DOCK11: variants seen among roughly 807,000 people sequenced by gnomAD.
DOCK11 encodes the protein dedicator of cytokinesis protein 11.
Under a neutral mutation model 169.1 loss-of-function variants are expected in DOCK11, and 70 were observed. That is an observed-to-expected ratio of 0.41 (90% CI 0.34 to 0.51). DOCK11 has a LOEUF of 0.51. Ranked by LOEUF, DOCK11 falls within the 20% of genes least tolerant of loss-of-function variation. DOCK11 has a pLI of 0.10. For missense variants in DOCK11, 1,166 were observed against 1,538.8 expected, an observed-to-expected ratio of 0.76 and a Z score of 4.05; for synonymous variants, 529 against 541.3, an observed-to-expected ratio of 0.98 and a Z score of 0.32.
chrX:118,654,557 C>T (rs764916688), intron 42 of DOCK11, 45 bp from the exon 43 acceptor site: 10 of 1,144,394 alleles, frequency 8.7e-6, no homozygotes, highest in Admixed American at 2.2e-5. Flanking sequence ...TAGAGCACAT[C>T]GATATTGTTG....
intron 1 of DOCK11, among the ~76,000 whole-genome samples, chrX:118,505,342 T>C (rs2057604452): frequency 8.9e-6 from 1 of 112,538 alleles, no homozygotes. Flanking sequence ...TGAGTTATTA[T>C]ATTCTTAATG....
intron 35 of DOCK11, among the ~76,000 whole-genome samples, chrX:118,635,932 G>A (rs1294838977): frequency 1.8e-5 from 2 of 111,679 alleles, no homozygotes. Flanking sequence ...AGCCCTCTGA[G>A]TAGCAGGCAA....
At chrX:118,533,470 A>C (rs1011242256) in intron 1 of DOCK11, among the ~76,000 whole-genome samples, 1 of 112,216 alleles carries the variant, frequency 8.9e-6, no homozygotes, top group African/African-American at 3.2e-5. Context: ...TTTTCAAACT[A>C]GAGTCTGTCA....
chrX:118,514,733 C>T (rs1192032311), intron 1 of DOCK11, among the ~76,000 whole-genome samples: 1 of 112,358 alleles, frequency 8.9e-6, no homozygotes, highest in Non-Finnish European at 1.9e-5. Context: ...GCTGACTCCT[C>T]ATCCGGGGAT....
At chrX:118,554,458 C>G (rs1234075186) in intron 6 of DOCK11, among the ~76,000 whole-genome samples, 2 of 110,857 alleles carry the variant, frequency 1.8e-5, no homozygotes, top group African/African-American at 3.3e-5. Flanking sequence ...GCTGAGGCAC[C>G]AGAATCTCTC....
chrX:118,582,369 A>G (rs746121406), intron 14 of DOCK11, among the ~76,000 whole-genome samples: 1 of 111,954 alleles, frequency 8.9e-6, no homozygotes, highest in Non-Finnish European at 1.9e-5. Flanking sequence ...CCACTGTGGC[A>G]TACGGTCCCT....
chrX:118,592,754 A>G lies in DOCK11; in HGVS notation c.2140-460A>G, dbSNP rs759324772. ...CTATAAACTATAATTTGTGGATACT[A>G]TAAGACCATCGTTACTTTTTGCATA... On this transcript the variant is annotated intron_variant, in intron 19 of 52. Transcript: ENST00000276202. 1.5e-3 allele frequency among the ~76,000 whole-genome samples: 164 copies of G among 112,561 alleles called. 1 individual carries two copies. The highest frequency in any genetic ancestry group is 5.0e-3 in the African/African-American group (155 of 31,056).
At chrX:118,643,816 C>G (rs2015591083) in intron 40 of DOCK11, among the ~76,000 whole-genome samples, 1 of 111,968 alleles carries the variant, frequency 8.9e-6, no homozygotes, top group Admixed American at 9.5e-5. Flanking sequence ...ATCATACCTT[C>G]CCTTTTCCAT....
At chrX:118,679,908 G>C (rs2016698532) in intron 48 of DOCK11, among the ~76,000 whole-genome samples, 1 of 102,732 alleles carries the variant, frequency 9.7e-6, no homozygotes, top group Non-Finnish European at 2.0e-5. Context: ...TGGGTAGTAG[G>C]ATTACAGTAA....
Position 118,608,214 on chromosome X carries a change from T to G in DOCK11, c.2752-17T>G, listed in dbSNP as rs2147458509. ...TTTTGTCTTACAGTTCATTTTTTTT[T>G]GTTTGTTTATTTGTAGTATAGCTTC... On this transcript the variant is annotated splice_polypyrimidine_tract_variant and intron_variant, in intron 25 of 52. Transcript: ENST00000276202. 1 of 1,192,969 alleles carries G rather than the reference T, an allele frequency of 8.4e-7. No individual in the cohort carries two copies. The highest frequency in any genetic ancestry group is 3.0e-5 in the East Asian group (1 of 33,735).
chrX:118,657,428 A>C (rs1303922471), intron 44 of DOCK11, among the ~76,000 whole-genome samples: 1 of 111,215 alleles, frequency 9.0e-6, no homozygotes, highest in Non-Finnish European at 1.9e-5. Flanking sequence ...TTTTATTTTA[A>C]GTTCTGGGAT....
intron 1 of DOCK11, among the ~76,000 whole-genome samples, chrX:118,517,719 G>T (rs1264809488): frequency 9.0e-6 from 1 of 111,016 alleles, no homozygotes; most frequent in Admixed American, 9.7e-5. Flanking sequence ...AAATTAGGAT[G>T]GGCTAGAGAT....
chrX:118,578,294 C>A (rs1049794287), intron 12 of DOCK11, among the ~76,000 whole-genome samples: 2 of 111,510 alleles, frequency 1.8e-5, no homozygotes, highest in Non-Finnish European at 3.8e-5. Flanking sequence ...AACGGTGACA[C>A]CTGCGCTATG....
chrX:118,623,404 T>C (rs1603128310), intron 31 of DOCK11, among the ~76,000 whole-genome samples: 1 of 112,584 alleles, frequency 8.9e-6, no homozygotes, highest in East Asian at 2.8e-4. Flanking sequence ...ATGAAACGGC[T>C]TGAGTTTTAA....
rs2015771067 is a variant in DOCK11, at chrX:118,647,813, ATT to A, written c.4399-1131_4399-1130del. Among the ~76,000 whole-genome samples the A allele has an allele frequency of 1.6e-4, 8 of 50,169 alleles. 1 individual carries two copies. Among genetic ancestry groups the A allele is most frequent in the Admixed American group, 4.0e-4 (1 of 2,508 alleles). The allele number at this position is 50,169 out of a possible 115,157, so 43.6% of individuals were successfully genotyped here. ...TATATTATAATATATAATAATATAT[ATT>A]ATATTATTATAATATAATATTTAAT... On this transcript the variant is annotated intron_variant, in intron 40 of 52. Coordinates refer to ENST00000276202, the MANE Select transcript of DOCK11 (RefSeq NM_144658.4).
chrX:118,672,687 G>A (rs994105179), intron 46 of DOCK11, among the ~76,000 whole-genome samples: 11 of 112,610 alleles, frequency 9.8e-5, no homozygotes, highest in Non-Finnish European at 2.1e-4. Context: ...CGCCCGCCTT[G>A]GCCTCCCAAA....
chrX:118,618,525 G>A, intron 30 of DOCK11, 25 bp from the exon 31 acceptor site: 1 of 1,106,549 alleles, frequency 9.0e-7, no homozygotes, highest in Non-Finnish European at 1.2e-6. Flanking sequence ...TTCATAAATG[G>A]GTTTTAAATT....
At chrX:118,613,002 C>T (rs1032760734) in intron 28 of DOCK11, among the ~76,000 whole-genome samples, 2 of 111,922 alleles carry the variant, frequency 1.8e-5, no homozygotes, top group Non-Finnish European at 3.8e-5. Flanking sequence ...CAATCATCCG[C>T]GTGGCACAAT....
intron 1 of DOCK11, among the ~76,000 whole-genome samples, chrX:118,522,231 A>G (rs184560821): frequency 1.3e-4 from 14 of 110,095 alleles, no homozygotes; most frequent in Admixed American, 1.3e-3. Context: ...GAGGCAGGAG[A>G]ATTGCTTGAA....
Sources: allele counts gnomAD v4.1 joint callset (sites outside exome capture counted in the v4.1 genomes callset), GRCh38; gene constraint gnomAD v4.1.1; transcripts MANE v1.5; gene names NCBI Gene and HGNC (gene_info 2026-07-23, HGNC 2026-07-21).